Variants in TCTN3 observed in about 807,000 individuals in gnomAD.
The protein encoded by TCTN3 is tectonic-3.
A neutral mutation model predicts 71.3 loss-of-function variants in TCTN3; 57 were observed. The observed-to-expected ratio is 0.80, with a 90% CI of 0.65 to 1.00. TCTN3 has a LOEUF of 1.00. Ranked by LOEUF, TCTN3 falls within the 50% of genes least tolerant of loss-of-function variation. The pLI, the probability that TCTN3 is intolerant of heterozygous loss-of-function variation, is 0.00. For synonymous variants in TCTN3, 258 were observed against 267.8 expected (o/e 0.96, Z 0.36); for missense variants, 696 against 719.9 (o/e 0.97, Z 0.38).
chr10:95,665,739 G>A (rs2097925028), intron 13 of TCTN3, among the ~76,000 whole-genome samples: 1 of 152,138 alleles, frequency 6.6e-6, no homozygotes, highest in African/African-American at 2.4e-5. Flanking sequence ...CAGAATGAAG[G>A]AGGGTGAATG....
At chr10:95,686,987 A>AGCAT in intron 6 of TCTN3, 57 bp downstream of exon 6, 1 of 1,414,282 alleles carries the variant, frequency 7.1e-7, no homozygotes, top group South Asian at 1.2e-5. Context: ...AACAGTGAGA[A>AGCAT]GCATGTTCAC....
At chr10:95,686,377 T>C in intron 7 of TCTN3, 118 bp downstream of exon 7, 1 of 1,067,466 alleles carries the variant, frequency 9.4e-7, no homozygotes, top group Non-Finnish European at 1.4e-6. Flanking sequence ...CCCTACTTAA[T>C]TGTTTGCTAC....
At chr10:95,689,316 T>C (rs867239782) in intron 3 of TCTN3, among the ~76,000 whole-genome samples, 8 of 152,184 alleles carry the variant, frequency 5.3e-5, no homozygotes, top group South Asian at 2.1e-4. Context: ...TGTGTATGCA[T>C]ATTAGAATTT....
intron 13 of TCTN3, among the ~76,000 whole-genome samples, chr10:95,671,134 G>A (rs1257916950): frequency 1.3e-5 from 2 of 152,214 alleles, no homozygotes; most frequent in African/African-American, 4.8e-5. Context: ...GCAACAGGAA[G>A]AGCACTGGGG....
At chr10:95,676,911 T>G (rs1260809411) in intron 13 of TCTN3, among the ~76,000 whole-genome samples, 1 of 152,134 alleles carries the variant, frequency 6.6e-6, no homozygotes, top group Non-Finnish European at 1.5e-5. Context: ...TAATTTCCAT[T>G]TTATAGAAGA....
intron 7 of TCTN3, 86 bp from the exon 8 acceptor site, chr10:95,685,722 A>AT (rs2097947650): frequency 2.8e-6 from 3 of 1,087,384 alleles, no homozygotes; most frequent in Non-Finnish European, 4.0e-6. Context: ...TAAGATGAGT[A>AT]TTTTTCCTTC....
chr10:95,678,638 A>C (rs1427491475), intron 13 of TCTN3, among the ~76,000 whole-genome samples: 2 of 152,132 alleles, frequency 1.3e-5, no homozygotes, highest in Non-Finnish European at 2.9e-5. Context: ...ATGCATAAAG[A>C]AAAAGTGAGT....
In TCTN3 at chr10:95,693,728, G is replaced by A. The variant is rs1252038907; in HGVS notation, c.172C>T (p.Pro58Ser). 6.4e-7 allele frequency: 1 copy of A among 1,551,696 alleles called. No individual in the cohort carries two copies. Among genetic ancestry groups the A allele is most frequent in the Non-Finnish European group, 8.7e-7 (1 of 1,146,994 alleles). The stretch of plus-strand genomic sequence containing the variant: ...ACTGTAGGGAGTCCAGGCACGGCCG[G>A]GCGAGTTGCAGTCGCCTCTGAAGGG... ...QSPSEATATR[P>S]AVPGLPTVVP... The change falls in exon 1 of 14, where the codon CCG becomes TCG. Residue 58 changes from proline to serine, a missense_variant. By Grantham distance (74) the Pro-to-Ser change is moderately conservative. Transcript: ENST00000371217.
chr10:95,664,420 C>A, intron 13 of TCTN3, 120 bp from the exon 14 acceptor site: 1 of 827,800 alleles, frequency 1.2e-6, no homozygotes, highest in South Asian at 1.6e-5. Context: ...CAAGATATAC[C>A]TTTATCTCAT....
rs1323336578 is a variant in TCTN3, at chr10:95,682,743, G to A, written c.1360C>T (p.Pro454Ser). 2 of 1,613,992 alleles carry A rather than the reference G, an allele frequency of 1.2e-6. No homozygotes were observed. The highest frequency in any genetic ancestry group is 1.3e-5 in the African/African-American group (1 of 74,908). Residue 454 changes from proline (P) to serine (S), a missense_variant, in exon 12 of 14, where the codon CCC becomes TCC. Coordinates refer to ENST00000371217, the MANE Select transcript of TCTN3 (RefSeq NM_015631.6). ...AAGATGGCAACATACTCTGGTCTGG[G>A]CCTTCCATGAAGAGTCTGATAAATC... ...QEIYQTLHGR[P>S]RPEYVAIFGN...
At chr10:95,667,393 G>C (rs2097926703) in intron 13 of TCTN3, among the ~76,000 whole-genome samples, 1 of 152,128 alleles carries the variant, frequency 6.6e-6, no homozygotes, top group Non-Finnish European at 1.5e-5. Flanking sequence ...TGGCAGCAAG[G>C]TTTAACAGAG....
Position 95,664,187 on chromosome 10 carries a change from G to C in TCTN3, c.1704C>G (p.Phe568Leu). 1 of 1,614,178 alleles carries C rather than the reference G, an allele frequency of 6.2e-7. No individual in the cohort carries two copies. Among genetic ancestry groups the C allele is most frequent in the Non-Finnish European group, 8.5e-7 (1 of 1,180,028 alleles). Reference protein sequence around the residue: ...GQPKMDWKWPFDFFPFKVAFS... With the variant: ...GQPKMDWKWPLDFFPFKVAFS... ...ATGCCACTTTGAAGGGAAAGAAGTC[G>C]AATGGCCATTTCCAGTCCATTTTGG... Residue 568 changes from phenylalanine (F) to leucine (L), a missense_variant, in exon 14 of 14, where the codon TTC becomes TTG. By Grantham distance (22) the Phe-to-Leu change is conservative. Coordinates refer to ENST00000371217, the MANE Select transcript of TCTN3 (RefSeq NM_015631.6).
chr10:95,683,688 C>A, intron 9 of TCTN3, 59 bp from the exon 10 acceptor site: 1 of 1,474,610 alleles, frequency 6.8e-7, no homozygotes, highest in Non-Finnish European at 9.3e-7. Context: ...CCACCTCCCA[C>A]TGCTTGGCTT....
intron 13 of TCTN3, among the ~76,000 whole-genome samples, chr10:95,678,272 C>T (rs560329957): frequency 5.6e-4 from 86 of 152,274 alleles, no homozygotes; most frequent in African/African-American, 1.9e-3. Context: ...TGGCTCACAC[C>T]TGTAATCCCA....
chr10:95,677,587 A>T (rs903007241), intron 13 of TCTN3, among the ~76,000 whole-genome samples: 3 of 150,930 alleles, frequency 2.0e-5, no homozygotes, highest in Admixed American at 6.7e-5. Flanking sequence ...AGAGGAATTT[A>T]AAGTGTTTCT....
intron 13 of TCTN3, among the ~76,000 whole-genome samples, chr10:95,666,116 AT>A (rs2097925408): frequency 6.6e-6 from 1 of 151,238 alleles, no homozygotes. Flanking sequence ...AATTTTTTGT[AT>A]TTTTGGTAGA....
chr10:95,665,740 A>G (rs555001773), intron 13 of TCTN3, among the ~76,000 whole-genome samples: 2 of 152,268 alleles, frequency 1.3e-5, no homozygotes, highest in South Asian at 2.1e-4. Flanking sequence ...AGAATGAAGG[A>G]GGGTGAATGA....
intron 10 of TCTN3, 38 bp from the exon 11 acceptor site, chr10:95,683,233 GAAAAA>G (rs760333132): frequency 1.6e-5 from 24 of 1,547,506 alleles, no homozygotes; most frequent in African/African-American, 4.2e-5. Context: ...CATCATAACA[GAAAAA>G]AAAAGGAGGC....
Position 95,683,187 on chromosome 10 carries a change from G to A in TCTN3, c.1212C>T (p.Leu404=). 1 of 1,613,808 alleles carries A rather than the reference G, an allele frequency of 6.2e-7. No individual in the cohort carries two copies. The highest frequency in any genetic ancestry group is 8.5e-7 in the Non-Finnish European group (1 of 1,179,850). The stretch of plus-strand genomic sequence containing the variant: ...AACTTCCATTACCCTGGCTCTGTAA[G>A]AGGGTCATCCAAGGTGGAAAAGTGA... ...LTDDISYSMT[L]LQSQGNGSCS... The change falls in exon 11 of 14, where the codon CTC becomes CTT. Residue 404 remains leucine (L), a synonymous_variant. Transcript: ENST00000371217.
Sources: gnomAD v4.1 joint callset for allele counts (sites outside exome capture counted in the v4.1 genomes callset) on GRCh38, gnomAD v4.1.1 for gene constraint, MANE v1.5 for transcripts, NCBI Gene and HGNC (gene_info 2026-07-23, HGNC 2026-07-21) for gene names.